The following ANKRD45 variants were observed in gnomAD, a reference collection of about 807,000 sequenced individuals.
The protein encoded by ANKRD45 is ankyrin repeat domain-containing protein 45.
A neutral mutation model predicts 28.1 loss-of-function variants in ANKRD45; 21 were observed. The observed-to-expected ratio is 0.75, with a 90% CI of 0.53 to 1.08. The LOEUF is 1.08. Ranked by LOEUF, ANKRD45 falls within the 50% of genes least tolerant of loss-of-function variation. The pLI is 0.00. For synonymous variants in ANKRD45, 86 were observed against 103.9 expected (o/e 0.83, Z 1.05); for missense variants, 261 against 308.7 (o/e 0.85, Z 1.16).
the ANKRD45 span, among the ~76,000 whole-genome samples, chr1:173,693,453 C>G: frequency 6.6e-6 from 1 of 152,160 alleles, no homozygotes; most frequent in Non-Finnish European, 1.5e-5. Flanking sequence ...AATATGCATG[C>G]ATATTCATGC....
chr1:173,636,816 T>C, intron 3 of ANKRD45: 2 of 1,527,130 alleles, frequency 1.3e-6, no homozygotes, highest in Non-Finnish European at 8.8e-7. Flanking sequence ...GTATTGTTTT[T>C]CTCCTTTTAG....
intron 5 of ANKRD45, among the ~76,000 whole-genome samples, chr1:173,615,158 C>T (rs889586698): frequency 2.6e-5 from 4 of 151,896 alleles, no homozygotes; most frequent in Admixed American, 6.6e-5. Context: ...AGACCGGGCG[C>T]GGTGGCTCAC....
intron 2 of ANKRD45, among the ~76,000 whole-genome samples, chr1:173,654,115 A>G (rs1669379862): frequency 6.6e-6 from 1 of 151,970 alleles, no homozygotes. Flanking sequence ...TAATATTGTT[A>G]TGTGTGACTC....
intron 1 of ANKRD45, among the ~76,000 whole-genome samples, chr1:173,660,219 A>G (rs1669718593): frequency 6.6e-6 from 1 of 152,174 alleles, no homozygotes; most frequent in Non-Finnish European, 1.5e-5. Flanking sequence ...GGATGTCTTA[A>G]TGGTGCTTCA....
the ANKRD45 span, among the ~76,000 whole-genome samples, chr1:173,709,398 G>A: frequency 7.9e-5 from 12 of 152,288 alleles, no homozygotes; most frequent in African/African-American, 2.6e-4. Flanking sequence ...GCTAGGGAGA[G>A]ATGACATCTG....
chr1:173,669,740 G>A (rs557503313), intron 1 of ANKRD45, 77 bp downstream of exon 1: 2 of 269,870 alleles, frequency 7.4e-6, no homozygotes, highest in Non-Finnish European at 1.6e-5. Context: ...AGCCTGGAGG[G>A]AAGATGTCCG....
Position 173,610,026 on chromosome 1 carries a change from T to C in ANKRD45, c.*119A>G. ...AACAGGTCAAACAAAACAAGGGCGATGTAATGTTGTACTTAAATACTTAAA... is the reference window on the plus strand; with the variant it reads ...AACAGGTCAAACAAAACAAGGGCGACGTAATGTTGTACTTAAATACTTAAA... On this transcript the variant is annotated 3_prime_UTR_variant, in exon 6 of 6. Transcript: ENST00000333279. 1 of 1,023,902 alleles carries C rather than the reference T, an allele frequency of 9.8e-7. No homozygotes were observed. Among genetic ancestry groups the C allele is most frequent in the South Asian group, 1.5e-5 (1 of 68,620 alleles). 63.4% of individuals were successfully genotyped at this position (1,023,902 alleles called of 1,614,324 possible).
intron 2 of ANKRD45, among the ~76,000 whole-genome samples, chr1:173,652,448 A>C (rs927584755): frequency 2.0e-5 from 3 of 152,024 alleles, no homozygotes; most frequent in African/African-American, 7.2e-5. Context: ...GGATGAAGGC[A>C]ACTTGATCAT....
chr1:173,635,874 T>C, intron 3 of ANKRD45: 1 of 1,441,172 alleles, frequency 6.9e-7, no homozygotes. Context: ...TAGTAATAGT[T>C]ACAAAATCTC....
chr1:173,677,405 CAG>C, the ANKRD45 span, among the ~76,000 whole-genome samples: 1 of 152,072 alleles, frequency 6.6e-6, no homozygotes, highest in Admixed American at 6.5e-5. Flanking sequence ...TAATCTGACA[CAG>C]GGGCTCATAT....
At chr1:173,706,590 C>G in the ANKRD45 span, among the ~76,000 whole-genome samples, 1 of 152,010 alleles carries the variant, frequency 6.6e-6, no homozygotes, top group Non-Finnish European at 1.5e-5. Context: ...CTGCCCACCT[C>G]GGCCTCCCAA....
chr1:173,638,853 A>G (rs1668578038), intron 3 of ANKRD45, among the ~76,000 whole-genome samples: 1 of 152,212 alleles, frequency 6.6e-6, no homozygotes. Context: ...AAATTTAAAA[A>G]ACACTCGTGT....
At chr1:173,610,682 G>A (rs953387491) in intron 5 of ANKRD45, among the ~76,000 whole-genome samples, 4 of 151,876 alleles carry the variant, frequency 2.6e-5, no homozygotes, top group Non-Finnish European at 5.9e-5. Context: ...GGAGAGGTGG[G>A]AATAACCGTA....
chr1:173,688,605 CCT>C, the ANKRD45 span, among the ~76,000 whole-genome samples: 25 of 140,714 alleles, frequency 1.8e-4, 1 homozygote, highest in South Asian at 2.6e-3. Flanking sequence ...TCTGCCTCTT[CCT>C]CTCTCTCTCT....
rs371997980 is a variant in ANKRD45 at position 173,613,025 on chromosome 1, G to A, written c.731-2810C>T. On this transcript the variant is annotated intron_variant, in intron 5 of 5. Transcript: ENST00000333279. ...GCCCGGCCGCCACCCCGTCTGGGAA[G>A]TGAGGAGCGTCTCTGCCTGGCCGCC... is the stretch of plus-strand genomic sequence containing the variant. Among the ~76,000 whole-genome samples the A allele has an allele frequency of 1.7e-3, 260 of 152,242 alleles. 8 individuals are homozygous for A. In the East Asian group the frequency reaches 0.049, roughly 28 times the overall value.
intron 3 of ANKRD45, among the ~76,000 whole-genome samples, chr1:173,643,171 ATTT>A (rs370267609): frequency 1.9e-4 from 25 of 132,250 alleles, no homozygotes; most frequent in African/African-American, 7.1e-4. Flanking sequence ...TTGCCTGAGA[ATTT>A]TTTTTTTTTT....
Position 173,624,856 on chromosome 1 carries a change from C to T in ANKRD45, c.661G>A (p.Glu221Lys), listed in dbSNP as rs764433593. The change falls in exon 5 of 6, where the codon GAG becomes AAG. Residue 221 changes from glutamate (E) to lysine (K), a missense_variant. Physicochemically the swap from Glu to Lys is moderately conservative, Grantham distance 56. Coordinates refer to ENST00000333279, the MANE Select transcript of ANKRD45 (RefSeq NM_198493.3). ...AGTTGTTGTCTCTGCTCAAAAAGCTCATTAATGGAAGCTTCTGTATGGGTT... is the reference window on the plus strand; with the variant it reads ...AGTTGTTGTCTCTGCTCAAAAAGCTTATTAATGGAAGCTTCTGTATGGGTT... ...LETHTEASIN[E>K]LFEQRQQLED... 9.9e-6 allele frequency: 16 copies of T among 1,613,678 alleles called. No homozygotes were observed. The Middle Eastern group carries it at 9.9e-4, about 99-fold the overall frequency.
chr1:173,698,408 C>T, the ANKRD45 span, among the ~76,000 whole-genome samples: 1 of 152,046 alleles, frequency 6.6e-6, no homozygotes, highest in Non-Finnish European at 1.5e-5. Context: ...CAAAATTGAC[C>T]ACATAGTTGG....
At chr1:173,651,746 T>A (rs1558138850) in intron 2 of ANKRD45, among the ~76,000 whole-genome samples, 1 of 152,204 alleles carries the variant, frequency 6.6e-6, no homozygotes, top group African/African-American at 2.4e-5. Flanking sequence ...GTTCTTCCAT[T>A]TCTTTGTGTC....
Sources: allele counts gnomAD v4.1 joint callset (sites outside exome capture counted in the v4.1 genomes callset), GRCh38; gene constraint gnomAD v4.1.1; transcripts MANE v1.5; gene names NCBI Gene and HGNC (gene_info 2026-07-23, HGNC 2026-07-21).